The following MTHFD2L variants were observed in gnomAD, a reference collection of about 807,000 sequenced individuals.
MTHFD2L encodes the protein bifunctional methylenetetrahydrofolate dehydrogenase/cyclohydrolase 2, mitochondrial.
Under a neutral mutation model 34.9 loss-of-function variants are expected in MTHFD2L, and 29 were observed. That is an observed-to-expected ratio of 0.83 (90% CI 0.62 to 1.13). The LOEUF is 1.13. MTHFD2L is among the 50% of genes most tolerant of loss of function. The pLI, the probability that MTHFD2L is intolerant of heterozygous loss-of-function variation, is 0.00. For missense variants in MTHFD2L, 481 were observed against 446.5 expected, an observed-to-expected ratio of 1.08 and a Z score of -0.70; for synonymous variants, 167 against 155.7, an observed-to-expected ratio of 1.07 and a Z score of -0.54.
At chr4:74,286,527 A>G (rs1488030249) in intron 7 of MTHFD2L, among the ~76,000 whole-genome samples, 1 of 152,172 alleles carries the variant, frequency 6.6e-6, no homozygotes, top group Admixed American at 6.6e-5. Context: ...ACATTGGAAA[A>G]CAGTATGTAG....
At chr4:74,203,729 A>G (rs1261087951) in intron 5 of MTHFD2L, among the ~76,000 whole-genome samples, 1 of 152,102 alleles carries the variant, frequency 6.6e-6, no homozygotes, top group African/African-American at 2.4e-5. Context: ...TGCTCCCATG[A>G]TCCAGTTACC....
At chr4:74,254,553 A>G (rs1156856503) in intron 6 of MTHFD2L, among the ~76,000 whole-genome samples, 1 of 141,906 alleles carries the variant, frequency 7.0e-6, no homozygotes, top group Non-Finnish European at 1.5e-5. Flanking sequence ...AACTGTCCTT[A>G]AACAATAAAA....
At chr4:74,221,946 A>G (rs1738270543) in intron 5 of MTHFD2L, among the ~76,000 whole-genome samples, 1 of 151,888 alleles carries the variant, frequency 6.6e-6, no homozygotes, top group South Asian at 2.1e-4. Flanking sequence ...AATAAATGAT[A>G]AAATGTTTTT....
chr4:74,164,960 A>G (rs1199838123), intron 1 of MTHFD2L: 1 of 985,308 alleles, frequency 1.0e-6, no homozygotes, highest in Non-Finnish European at 1.2e-6. Context: ...TGAGCAAGTA[A>G]TGACAGGGCA....
At chr4:74,158,413 C>A in intron 1 of MTHFD2L, 132 bp downstream of exon 1, 2 of 689,270 alleles carry the variant, frequency 2.9e-6, no homozygotes, top group Non-Finnish European at 3.6e-6. Context: ...TCGAGGACAG[C>A]CTTGTCTGTG....
Position 74,199,876 on chromosome 4 carries a change from A to G in MTHFD2L, c.534A>G (p.Arg178=). The G allele has an allele frequency of 6.2e-7, 1 of 1,613,960 alleles. No homozygotes were observed. Among genetic ancestry groups the G allele is most frequent in the Non-Finnish European group, 8.5e-7 (1 of 1,179,866 alleles). Residue 178 remains arginine, a synonymous_variant, in exon 4 of 8, where the codon AGA becomes AGG. Coordinates refer to ENST00000325278, the MANE Select transcript of MTHFD2L (RefSeq NM_001144978.3). The part of the protein sequence containing the change: ...VDGFHIINIG[R]LCLDQHSLIP... ...GATTTCATATTATCAATATTGGAAGATTGTGCCTTGATCAGCATTCTCTCA... is the reference window on the plus strand; with the variant it reads ...GATTTCATATTATCAATATTGGAAGGTTGTGCCTTGATCAGCATTCTCTCA...
chr4:74,243,081 T>C (rs939606510), intron 6 of MTHFD2L, among the ~76,000 whole-genome samples: 5 of 152,122 alleles, frequency 3.3e-5, no homozygotes, highest in African/African-American at 1.2e-4. Context: ...TAGGTACCTA[T>C]AGAAGGGGAC....
Position 74,174,582 on chromosome 4 carries a change from T to C in MTHFD2L, c.220T>C (p.Trp74Arg). Residue 74 changes from tryptophan (W) to arginine (R), a missense_variant, in exon 2 of 8, where the codon TGG (tryptophan) becomes CGG (arginine). Physicochemically the swap from Trp to Arg is moderately radical, Grantham distance 101. Coordinates refer to ENST00000325278, the MANE Select transcript of MTHFD2L (RefSeq NM_001144978.3). The stretch of plus-strand genomic sequence containing the variant: ...AGAAATACAGCGAGGTGTGGAATCA[T>C]GGGTTTCCCTTGGAAACAGAAGACC... Reference protein sequence around the residue: ...QKEIQRGVESWVSLGNRRPHL... With the variant: ...QKEIQRGVESRVSLGNRRPHL... 6.2e-7 allele frequency: 1 copy of C among 1,608,566 alleles called. No individual in the cohort carries two copies. The highest frequency in any genetic ancestry group is 1.1e-5 in the South Asian group (1 of 90,158).
chr4:74,171,411 A>C (rs530618667), intron 1 of MTHFD2L, among the ~76,000 whole-genome samples: 22 of 152,376 alleles, frequency 1.4e-4, no homozygotes, highest in African/African-American at 5.0e-4. Context: ...CAAAGTTGCA[A>C]AGTGGTACAG....
chr4:74,262,924 G>A (rs566093167), intron 6 of MTHFD2L, among the ~76,000 whole-genome samples: 11 of 151,978 alleles, frequency 7.2e-5, no homozygotes, highest in African/African-American at 2.2e-4. Flanking sequence ...ATTACAGCTC[G>A]TTGGTGATAG....
At chr4:74,174,107 T>C (rs1334306672) in intron 1 of MTHFD2L, among the ~76,000 whole-genome samples, 1 of 152,184 alleles carries the variant, frequency 6.6e-6, no homozygotes, top group Non-Finnish European at 1.5e-5. Context: ...TGTCCTCACA[T>C]GGCAGAAGGC....
intron 1 of MTHFD2L, among the ~76,000 whole-genome samples, chr4:74,164,641 G>A (rs1237577280): frequency 6.6e-6 from 1 of 152,222 alleles, no homozygotes; most frequent in Admixed American, 6.5e-5. Context: ...GTCAACAAGA[G>A]AGTATTCCCA....
chr4:74,255,709 T>C (rs1168472477), intron 6 of MTHFD2L, among the ~76,000 whole-genome samples: 2 of 152,182 alleles, frequency 1.3e-5, no homozygotes, highest in East Asian at 1.9e-4. Context: ...GATTACCTAA[T>C]GTTTAGCTCC....
chr4:74,241,242 G>A (rs1456694987), intron 6 of MTHFD2L, among the ~76,000 whole-genome samples: 1 of 152,050 alleles, frequency 6.6e-6, no homozygotes, highest in Non-Finnish European at 1.5e-5. Flanking sequence ...TTATTGCTGA[G>A]CTCTTTCCTC....
intron 5 of MTHFD2L, chr4:74,224,149 T>C (rs1206655809): frequency 6.6e-6 from 1 of 152,142 alleles, no homozygotes; most frequent in Non-Finnish European, 1.5e-5. Flanking sequence ...CCCCTCTATG[T>C]AAGTGTGTTC....
At chr4:74,117,762 T>G (rs375130749) in intron 2 of MTHFD2L, among the ~76,000 whole-genome samples, 32 of 152,310 alleles carry the variant, frequency 2.1e-4, no homozygotes, top group African/African-American at 7.7e-4. Flanking sequence ...GTAAACACTC[T>G]GTGGTTCTGA....
intron 3 of MTHFD2L, among the ~76,000 whole-genome samples, chr4:74,178,720 T>C (rs1232442733): frequency 6.6e-6 from 1 of 152,114 alleles, no homozygotes; most frequent in Non-Finnish European, 1.5e-5. Context: ...ATTATGACAC[T>C]TTTGTATGCC....
chr4:74,258,740 T>C (rs1254765165), intron 6 of MTHFD2L, among the ~76,000 whole-genome samples: 1 of 152,168 alleles, frequency 6.6e-6, no homozygotes, highest in Non-Finnish European at 1.5e-5. Context: ...TTATAGCAAA[T>C]TTGATTTAAA....
intron 5 of MTHFD2L, among the ~76,000 whole-genome samples, chr4:74,206,696 T>G (rs1218335764): frequency 6.6e-6 from 1 of 152,184 alleles, no homozygotes; most frequent in Non-Finnish European, 1.5e-5. Context: ...TTTCACTTTC[T>G]TTCAGAATGA....
Sources: allele counts gnomAD v4.1 joint callset (sites outside exome capture counted in the v4.1 genomes callset), GRCh38; gene constraint gnomAD v4.1.1; transcripts MANE v1.5; gene names NCBI Gene and HGNC (gene_info 2026-07-23, HGNC 2026-07-21).